The following OPA1 variants were observed in gnomAD, a reference collection of about 807,000 sequenced individuals.
OPA1 encodes dynamin-like GTPase OPA1, mitochondrial.
Under a neutral mutation model 152.9 loss-of-function variants are expected in OPA1, and 59 were observed. That is an observed-to-expected ratio of 0.39 (90% CI 0.31 to 0.48). The LOEUF (loss-of-function observed/expected upper bound fraction) is 0.48. Ranked by LOEUF, OPA1 falls within the 20% of genes least tolerant of loss-of-function variation. OPA1 has a pLI of 0.96. For missense variants in OPA1, 1,008 were observed against 1,216.8 expected (o/e 0.83, Z 2.55); for synonymous variants, 400 against 389.9 (o/e 1.03, Z -0.31).
At chr3:193,614,074 T>A in intron 1 of OPA1, 1 of 478,012 alleles carries the variant, frequency 2.1e-6, no homozygotes, top group Admixed American at 2.2e-5. Context: ...GGTGGAGCTC[T>A]ACAGTCAATG....
At chr3:193,687,914 C>CAA (rs1335132913) in intron 29 of OPA1, among the ~76,000 whole-genome samples, 2 of 152,128 alleles carry the variant, frequency 1.3e-5, no homozygotes, top group Non-Finnish European at 2.9e-5. Flanking sequence ...AAGGTGCAAC[C>CAA]ATTAAGATGA....
At chr3:193,611,645 G>A (rs554367551) in intron 1 of OPA1, among the ~76,000 whole-genome samples, 2 of 147,320 alleles carry the variant, frequency 1.4e-5, no homozygotes, top group Non-Finnish European at 3.0e-5. Context: ...CACCAATTCA[G>A]TCACATCTCT....
intron 1 of OPA1, among the ~76,000 whole-genome samples, chr3:193,613,546 C>T (rs997838043): frequency 2.0e-5 from 3 of 151,716 alleles, no homozygotes; most frequent in Non-Finnish European, 2.9e-5. Flanking sequence ...TCCTTGATTC[C>T]TCCTCCTCCT....
intron 29 of OPA1, among the ~76,000 whole-genome samples, chr3:193,673,339 G>A (rs1351546551): frequency 6.6e-6 from 1 of 152,186 alleles, no homozygotes; most frequent in African/African-American, 2.4e-5. Context: ...TATTACCACA[G>A]GTACTTCCTA....
At chr3:193,642,693 C>A in intron 11 of OPA1, 72 bp from the exon 12 acceptor site, 1 of 1,142,892 alleles carries the variant, frequency 8.7e-7, no homozygotes, top group Non-Finnish European at 1.3e-6. Flanking sequence ...CCTGTCTAGA[C>A]CACATACGGG....
At position 193,593,307 on chromosome 3, in the gene OPA1, G is replaced by T; in HGVS notation, c.-71G>T. The stretch of plus-strand genomic sequence containing the variant: ...TTCCTGGGTCATTCCTGGACCGGGA[G>T]CCGGGCTGGGGCTCACACGGGGGCT... On this transcript the variant is annotated 5_prime_UTR_variant, in exon 1 of 31. Transcript: ENST00000361510. 3 of 1,485,674 alleles carry T rather than the reference G, an allele frequency of 2.0e-6. No homozygotes were observed. The highest frequency in any genetic ancestry group is 2.7e-6 in the Non-Finnish European group (3 of 1,107,668). 92.0% of individuals were successfully genotyped at this position (1,485,674 alleles called of 1,614,324 possible).
intron 1 of OPA1, among the ~76,000 whole-genome samples, chr3:193,597,933 A>G (rs1725868908): frequency 6.6e-6 from 1 of 151,862 alleles, no homozygotes; most frequent in Admixed American, 6.6e-5. Flanking sequence ...AAAAAAATTA[A>G]CTGGGCATGC....
intron 29 of OPA1, among the ~76,000 whole-genome samples, chr3:193,676,711 T>C (rs560529161): frequency 1.9e-4 from 29 of 152,242 alleles, no homozygotes; most frequent in East Asian, 5.8e-4. Flanking sequence ...CCGGGTGTGG[T>C]GGCTCACGCC....
chr3:193,636,775 C>G (rs73205347), intron 9 of OPA1, among the ~76,000 whole-genome samples: 4,046 of 152,188 alleles, frequency 0.027, 68 homozygotes, highest in Middle Eastern at 0.041. Flanking sequence ...CACGTGCTCT[C>G]TGTCCTCTCT....
Position 193,657,212 on chromosome 3 carries a change from G to T in OPA1, c.2311G>T (p.Asp771Tyr). 1 of 1,613,956 alleles carries T rather than the reference G, an allele frequency of 6.2e-7. No homozygotes were observed. The highest frequency in any genetic ancestry group is 1.1e-5 in the South Asian group (1 of 91,038). The change falls in exon 23 of 31, where the codon GAC (aspartate) becomes TAC (tyrosine). Residue 771 changes from aspartate (D) to tyrosine (Y), a missense_variant. This residue lies in a region of OPA1 where 229 missense variants were observed against 269.0 expected (regional missense o/e 0.85). Coordinates refer to ENST00000361510, the MANE Select transcript of OPA1 (RefSeq NM_130837.3). Reference sequence around the variant, plus strand: ...AAGTATTAAACGACACAAGTGGAATGACTTTGCGGAGGACAGCTTGGTATG... The same window carrying T: ...AAGTATTAAACGACACAAGTGGAATTACTTTGCGGAGGACAGCTTGGTATG... ...EESIKRHKWN[D>Y]FAEDSLRVIQ...
intron 8 of OPA1, among the ~76,000 whole-genome samples, chr3:193,634,193 T>C (rs1732556155): frequency 6.6e-6 from 1 of 151,906 alleles, no homozygotes; most frequent in African/African-American, 2.4e-5. Context: ...GTGTTGTTAA[T>C]GTTTAGAGAA....
chr3:193,615,100 C>A, intron 2 of OPA1, 59 bp downstream of exon 2: 1 of 1,322,716 alleles, frequency 7.6e-7, no homozygotes, highest in Non-Finnish European at 1.1e-6. Flanking sequence ...GTTTCTATAG[C>A]ATAAATCATT....
At chr3:193,667,827 A>T (rs1393325295) in intron 29 of OPA1, among the ~76,000 whole-genome samples, 1 of 152,194 alleles carries the variant, frequency 6.6e-6, no homozygotes, top group Non-Finnish European at 1.5e-5. Flanking sequence ...GATAAATTAC[A>T]ATATCTAATT....
At position 193,662,014 on chromosome 3, in the gene OPA1, CA is replaced by C. The variant is rs542497976; in HGVS notation, c.2521-799del. Among the ~76,000 whole-genome samples the C allele has an allele frequency of 6.9e-3, 1,006 of 146,368 alleles. 15 individuals are homozygous for C. The highest frequency in any genetic ancestry group is 0.024 in the African/African-American group (955 of 39,852). On this transcript the variant is annotated intron_variant, in intron 25 of 30. Transcript: ENST00000361510. ...TTCATAGCTGTGATAGAGTTTGGGG[CA>C]AAAAAAAACACTCAGTTTCGTAGCT...
chr3:193,627,360 T>A (rs1462418036), intron 7 of OPA1: 1 of 152,200 alleles, frequency 6.6e-6, no homozygotes, highest in Admixed American at 6.5e-5. Context: ...GTGAGTTTCC[T>A]ACCTGGTTAA....
intron 6 of OPA1, among the ~76,000 whole-genome samples, chr3:193,620,326 A>G (rs1729828017): frequency 6.6e-6 from 1 of 152,202 alleles, no homozygotes; most frequent in Non-Finnish European, 1.5e-5. Flanking sequence ...AACCTGTCTC[A>G]GGGCCTGACT....
Position 193,696,831 on chromosome 3 carries a change from T to G in OPA1, c.*2231T>G, listed in dbSNP as rs1360419186. The G allele has an allele frequency of 2.6e-5, 4 of 152,238 alleles. No homozygotes were observed. Among genetic ancestry groups the G allele is most frequent in the African/African-American group, 9.6e-5 (4 of 41,456 alleles). The allele number at this position is 152,238 out of a possible 1,614,324, so 9.4% of individuals were successfully genotyped here. ...AGATGATATCCAAACTTAATTTGGC[T>G]AGGACTTCAATTTTAAAAATCAGTG... On this transcript the variant is annotated 3_prime_UTR_variant, in exon 31 of 31. Coordinates refer to ENST00000361510, the MANE Select transcript of OPA1 (RefSeq NM_130837.3).
chr3:193,691,462 G>C (rs947999542), intron 29 of OPA1: 1 of 151,618 alleles, frequency 6.6e-6, no homozygotes, highest in Admixed American at 6.5e-5. Context: ...GTACTTTTTT[G>C]TATGTATTTT....
In OPA1 at chr3:193,644,637, C is replaced by T. The variant is rs185198631; in HGVS notation, c.1608+532C>T. Reference sequence around the variant, plus strand: ...CTGTGTTAACCCTTTTCTAGGTAGCCACCATAACCTCTGTTCTGCTTTCTT... The same window carrying T: ...CTGTGTTAACCCTTTTCTAGGTAGCTACCATAACCTCTGTTCTGCTTTCTT... On this transcript the variant is annotated intron_variant, in intron 16 of 30. Transcript: ENST00000361510. Among the ~76,000 whole-genome samples, 17 of 152,222 alleles carry T rather than the reference C, an allele frequency of 1.1e-4. 1 individual carries two copies. The highest frequency in any genetic ancestry group is 3.1e-4 in the African/African-American group (13 of 41,518).
Sources: allele counts gnomAD v4.1 joint callset (sites outside exome capture counted in the v4.1 genomes callset), GRCh38; gene constraint gnomAD v4.1.1; regional missense constraint gnomAD v4.1.1; transcripts MANE v1.5; gene names NCBI Gene and HGNC (gene_info 2026-07-23, HGNC 2026-07-21).